The following SSBP2 variants were observed in gnomAD, a reference collection of about 807,000 sequenced individuals.
The protein encoded by SSBP2 is single-stranded DNA-binding protein 2.
In SSBP2, 17 loss-of-function variants were observed where a neutral mutation model predicts 61.8. The observed-to-expected ratio is 0.28, with a 90% CI of 0.19 to 0.41. SSBP2 has a LOEUF of 0.41. Among genes scored for constraint, SSBP2 ranks in the 10% least tolerant of loss-of-function variants. The pLI is 1.00. For synonymous variants in SSBP2, 139 were observed against 141.3 expected (o/e 0.98, Z 0.12); for missense variants, 310 against 458.7 (o/e 0.68, Z 2.96).
chr5:81,567,798 T>C (rs1773543274), intron 4 of SSBP2, among the ~76,000 whole-genome samples: 1 of 152,090 alleles, frequency 6.6e-6, no homozygotes, highest in South Asian at 2.1e-4. Context: ...AGACACAGAG[T>C]CAAAGGAGAT....
intron 1 of SSBP2, among the ~76,000 whole-genome samples, chr5:81,698,348 A>G (rs367670154): frequency 5.4e-4 from 82 of 152,348 alleles, no homozygotes; most frequent in South Asian, 8.3e-4. Flanking sequence ...ACCTATTTTC[A>G]TATTTTTTAA....
At chr5:81,630,168 T>C (rs1014845646) in intron 3 of SSBP2, among the ~76,000 whole-genome samples, 1 of 152,236 alleles carries the variant, frequency 6.6e-6, no homozygotes, top group Non-Finnish European at 1.5e-5. Context: ...GAAGAATGCA[T>C]GTTATCCTAA....
chr5:81,448,696 A>G (rs954011122), intron 11 of SSBP2, 94 bp downstream of exon 11: 14 of 1,272,714 alleles, frequency 1.1e-5, no homozygotes, highest in Non-Finnish European at 1.5e-5. Flanking sequence ...TGGCCAATAC[A>G]CAGGGGCTCT....
chr5:81,600,045 C>G (rs891206206), intron 4 of SSBP2, among the ~76,000 whole-genome samples: 1 of 151,994 alleles, frequency 6.6e-6, no homozygotes, highest in Admixed American at 6.6e-5. Flanking sequence ...CCTGGCAATG[C>G]CAATAAATGT....
chr5:81,660,066 C>G (rs1460363979), intron 1 of SSBP2, among the ~76,000 whole-genome samples: 1 of 152,122 alleles, frequency 6.6e-6, no homozygotes, highest in East Asian at 1.9e-4. Flanking sequence ...CATAAAAACA[C>G]TAGAAGAAAA....
intron 1 of SSBP2, among the ~76,000 whole-genome samples, chr5:81,700,822 C>T (rs1753931412): frequency 6.6e-6 from 1 of 152,226 alleles, no homozygotes. Context: ...TTCCTTGCCT[C>T]CTAGTCTTCA....
chr5:81,610,494 G>T (rs188917097), intron 4 of SSBP2, among the ~76,000 whole-genome samples: 3 of 152,212 alleles, frequency 2.0e-5, no homozygotes, highest in African/African-American at 7.2e-5. Context: ...TTTCCTTCTA[G>T]AGAGTTTAAA....
At chr5:81,450,126 G>A (rs903779460) in intron 10 of SSBP2, among the ~76,000 whole-genome samples, 2 of 152,224 alleles carry the variant, frequency 1.3e-5, no homozygotes, top group African/African-American at 2.4e-5. Flanking sequence ...GACCTCCTGG[G>A]CTCAAGCAAT....
At chr5:81,625,980 T>A (rs549920524) in intron 3 of SSBP2, among the ~76,000 whole-genome samples, 1 of 152,352 alleles carries the variant, frequency 6.6e-6, no homozygotes, top group East Asian at 1.9e-4. Flanking sequence ...CAAGTCTTAA[T>A]AACTAAGGAA....
At position 81,440,694 on chromosome 5, in the gene SSBP2, A is replaced by G; in HGVS notation, c.850-58T>C. 6 of 1,232,440 alleles carry G rather than the reference A, an allele frequency of 4.9e-6. No individual in the cohort carries two copies. In the South Asian group the frequency reaches 6.7e-5, roughly 14 times the overall value. The allele number at this position is 1,232,440 out of a possible 1,614,324, so 76.3% of individuals were successfully genotyped here. On this transcript the variant is annotated intron_variant, in intron 13 of 16. Coordinates refer to ENST00000320672, the MANE Select transcript of SSBP2 (RefSeq NM_012446.5). ...ATACTGAAAACAATGGCTTATCTCA[A>G]TTTTACAATATATTTAACATTACAA...
chr5:81,520,326 A>G (rs1047653699), intron 4 of SSBP2, among the ~76,000 whole-genome samples: 20 of 152,036 alleles, frequency 1.3e-4, no homozygotes, highest in African/African-American at 4.8e-4. Context: ...AAAACTACAA[A>G]TTTGGCTCTG....
intron 5 of SSBP2, among the ~76,000 whole-genome samples, chr5:81,500,998 G>C (rs1767667196): frequency 6.7e-6 from 1 of 150,210 alleles, no homozygotes; most frequent in Non-Finnish European, 1.5e-5. Context: ...GAGATCACCT[G>C]AGATCAGGAG....
At chr5:81,581,119 T>C (rs1774609058) in intron 4 of SSBP2, among the ~76,000 whole-genome samples, 1 of 152,204 alleles carries the variant, frequency 6.6e-6, no homozygotes, top group Non-Finnish European at 1.5e-5. Flanking sequence ...TGGTAACTGA[T>C]AGGCAACAAT....
At chr5:81,737,812 T>C (rs986095214) in intron 1 of SSBP2, among the ~76,000 whole-genome samples, 3 of 146,980 alleles carry the variant, frequency 2.0e-5, no homozygotes, top group Non-Finnish European at 4.5e-5. Flanking sequence ...AACAAAAAAC[T>C]CAGCCCTGTT....
intron 3 of SSBP2, among the ~76,000 whole-genome samples, chr5:81,636,114 A>G (rs1748204228): frequency 6.6e-6 from 1 of 152,150 alleles, no homozygotes; most frequent in African/African-American, 2.4e-5. Context: ...ATAAGCAAAG[A>G]CACAAACAGC....
At chr5:81,594,082 G>C (rs977247199) in intron 4 of SSBP2, among the ~76,000 whole-genome samples, 10 of 152,164 alleles carry the variant, frequency 6.6e-5, no homozygotes, top group African/African-American at 2.2e-4. Context: ...TCAGTGTGCT[G>C]TATTCAGGAA....
chr5:81,668,032 T>A (rs1180724728), intron 1 of SSBP2, among the ~76,000 whole-genome samples: 1 of 151,980 alleles, frequency 6.6e-6, no homozygotes, highest in African/African-American at 2.4e-5. Flanking sequence ...TTTCCCCACC[T>A]GAGAGAATAA....
intron 1 of SSBP2, among the ~76,000 whole-genome samples, chr5:81,748,101 A>G (rs1757469070): frequency 6.6e-6 from 1 of 152,204 alleles, no homozygotes; most frequent in Non-Finnish European, 1.5e-5. Context: ...GATCTAATAC[A>G]GGTAAGCACT....
At chr5:81,560,696 G>A (rs1772977903) in intron 4 of SSBP2, among the ~76,000 whole-genome samples, 1 of 152,158 alleles carries the variant, frequency 6.6e-6, no homozygotes, top group Non-Finnish European at 1.5e-5. Context: ...TATGTTTCAT[G>A]TCTAAGTAGT....
Sources: allele counts gnomAD v4.1 joint callset (sites outside exome capture counted in the v4.1 genomes callset), GRCh38; gene constraint gnomAD v4.1.1; transcripts MANE v1.5; gene names NCBI Gene and HGNC (gene_info 2026-07-23, HGNC 2026-07-21).